Variants in BANP observed in about 807,000 individuals in gnomAD.
BANP encodes protein BANP.
A neutral mutation model predicts 68.1 loss-of-function variants in BANP; 11 were observed. The ratio of observed to expected loss-of-function variants is 0.16; its 90% CI spans 0.10 to 0.27. The LOEUF is 0.27. Ranked by LOEUF, BANP falls within the 10% of genes least tolerant of loss-of-function variation. The pLI is 1.00. For synonymous variants in BANP, 329 were observed against 303.2 expected, an observed-to-expected ratio of 1.09 and a Z score of -0.88; for missense variants, 504 against 722.7, an observed-to-expected ratio of 0.70 and a Z score of 3.47.
chr16:87,961,485 T>C (rs530848677), intron 1 of BANP, among the ~76,000 whole-genome samples: 2 of 151,780 alleles, frequency 1.3e-5, no homozygotes, highest in Non-Finnish European at 2.9e-5. Context: ...TTTTGTCATA[T>C]GCATCGACCA....
intron 9 of BANP, among the ~76,000 whole-genome samples, chr16:88,034,169 G>A (rs1448080145): frequency 2.6e-5 from 4 of 152,300 alleles, no homozygotes; most frequent in Admixed American, 6.5e-5. Flanking sequence ...TAGAGGGGGC[G>A]TTACCCTTCC....
intron 2 of BANP, among the ~76,000 whole-genome samples, chr16:87,975,404 CTT>C (rs1248779347): frequency 6.6e-6 from 1 of 152,204 alleles, no homozygotes; most frequent in African/African-American, 2.4e-5. Context: ...CCCTGTGACA[CTT>C]TGTCTCGAGG....
At chr16:87,989,999 G>T (rs2065522934) in intron 4 of BANP, among the ~76,000 whole-genome samples, 1 of 152,244 alleles carries the variant, frequency 6.6e-6, no homozygotes, top group Non-Finnish European at 1.5e-5. Flanking sequence ...CAGGGCAGGT[G>T]ACAGGGCTCT....
intron 1 of BANP, among the ~76,000 whole-genome samples, chr16:87,953,544 C>T (rs754208708): frequency 3.9e-5 from 6 of 152,196 alleles, no homozygotes; most frequent in Non-Finnish European, 5.9e-5. Flanking sequence ...CTTTCTATTA[C>T]GATGGGGTGA....
At chr16:88,019,226 G>A (rs1450543295) in intron 7 of BANP, among the ~76,000 whole-genome samples, 1 of 152,204 alleles carries the variant, frequency 6.6e-6, no homozygotes, top group Non-Finnish European at 1.5e-5. Context: ...TTTGCTCCAG[G>A]TGGCGATTGC....
At chr16:88,039,029 G>C (rs1295410228) in intron 11 of BANP, among the ~76,000 whole-genome samples, 2 of 152,244 alleles carry the variant, frequency 1.3e-5, no homozygotes, top group African/African-American at 4.8e-5. Flanking sequence ...CACTCCCAGA[G>C]CGAGGTGCTT....
chr16:88,038,193 G>A (rs528439672), intron 11 of BANP, among the ~76,000 whole-genome samples, 182 bp downstream of exon 11: 3 of 152,182 alleles, frequency 2.0e-5, no homozygotes, highest in African/African-American at 7.2e-5. Context: ...TTGCGCTGCC[G>A]AGGGGTGGGG....
At chr16:87,995,793 C>G (rs1282693791) in intron 4 of BANP, among the ~76,000 whole-genome samples, 1 of 152,240 alleles carries the variant, frequency 6.6e-6, no homozygotes, top group Non-Finnish European at 1.5e-5. Flanking sequence ...CCACAGGTAA[C>G]AAGCTCTGGG....
chr16:87,960,384 G>A (rs1041966053), intron 1 of BANP, among the ~76,000 whole-genome samples: 2 of 152,214 alleles, frequency 1.3e-5, no homozygotes, highest in South Asian at 2.1e-4. Flanking sequence ...GGTTTGGAAC[G>A]TGCTTAAAGA....
In BANP at chr16:88,004,550, G is replaced by C. The variant is rs115501145; in HGVS notation, c.479+139G>C. ...CACAGGGTTGAGCCTGGCAGGCACC[G>C]CCCCAGCTCTCTGAGGTCGGGGAGG... On this transcript the variant is annotated intron_variant, in intron 5 of 13. Transcript: ENST00000682872. This position sits in a 1 kb window ranked among gnomAD's most constrained non-coding sequence, Gnocchi z 7.0. 4 of 590,708 alleles carry C rather than the reference G, an allele frequency of 6.8e-6. No homozygotes were observed. The highest frequency in any genetic ancestry group is 8.8e-6 in the Non-Finnish European group (3 of 340,304). 36.6% of individuals were successfully genotyped at this position (590,708 alleles called of 1,614,324 possible).
Position 88,076,635 on chromosome 16 carries a change from G to A in BANP, c.1567G>A (p.Glu523Lys). The change falls in exon 14 of 14, where the codon GAG becomes AAG. Residue 523 changes from glutamate to lysine, a missense_variant. By Grantham distance (56) the Glu-to-Lys change is moderately conservative. Coordinates refer to ENST00000682872, the MANE Select transcript of BANP (RefSeq NM_001386991.1). ...QPTLQPEMQLEHGAIQIQ is the reference protein window; with the variant it reads ...QPTLQPEMQLKHGAIQIQ Reference sequence around the variant, plus strand: ...CACGCTACAGCCGGAGATGCAGCTCGAGCACGGGGCCATCCAGATTCAGTG... The same window carrying A: ...CACGCTACAGCCGGAGATGCAGCTCAAGCACGGGGCCATCCAGATTCAGTG... The A allele has an allele frequency of 6.2e-7, 1 of 1,610,724 alleles. No homozygotes were observed. The highest frequency in any genetic ancestry group is 8.5e-7 in the Non-Finnish European group (1 of 1,179,688).
intron 4 of BANP, among the ~76,000 whole-genome samples, chr16:87,985,120 G>T (rs2064080065): frequency 6.6e-6 from 1 of 152,222 alleles, no homozygotes; most frequent in East Asian, 1.9e-4. Flanking sequence ...GCCCGTGTGT[G>T]CTGGTGGCTG....
At chr16:88,038,170 G>T (rs2079857635) in intron 11 of BANP, among the ~76,000 whole-genome samples, 159 bp downstream of exon 11, 1 of 151,840 alleles carries the variant, frequency 6.6e-6, no homozygotes, top group Admixed American at 6.6e-5. Flanking sequence ...GGGTGGGACG[G>T]TCATTGTGGG....
Position 88,064,587 on chromosome 16 carries a change from C to T in BANP, c.1312-680C>T, listed in dbSNP as rs1247917724. On this transcript the variant is annotated intron_variant, in intron 11 of 13. Coordinates refer to ENST00000682872, the MANE Select transcript of BANP (RefSeq NM_001386991.1). This position sits in a 1 kb window ranked among gnomAD's most constrained non-coding sequence, Gnocchi z 4.5. ...GAGGAGAGGGCATCGCCAGGCTGGG[C>T]GCCTGTGTGGCACCACGTGGCACTC... 2.0e-5 allele frequency among the ~76,000 whole-genome samples: 3 copies of T among 152,242 alleles called. No individual in the cohort carries two copies. Among genetic ancestry groups the T allele is most frequent in the Admixed American group, 6.5e-5 (1 of 15,292 alleles).
At chr16:88,037,770 A>G (rs1303749567) in intron 10 of BANP, 3 of 603,718 alleles carry the variant, frequency 5.0e-6, no homozygotes, top group African/African-American at 3.7e-5. Flanking sequence ...TTGTTTGTTC[A>G]TCTTTAAAAT....
At chr16:87,955,381 A>G (rs1291025460) in intron 1 of BANP, among the ~76,000 whole-genome samples, 1 of 152,204 alleles carries the variant, frequency 6.6e-6, no homozygotes, top group African/African-American at 2.4e-5. Flanking sequence ...ATTTTCAGAT[A>G]GTTTTTGACT....
intron 1 of BANP, among the ~76,000 whole-genome samples, chr16:87,964,285 GC>G (rs1352667330): frequency 1.3e-5 from 2 of 152,264 alleles, no homozygotes; most frequent in African/African-American, 4.8e-5. Context: ...CAGGCCCGGT[GC>G]CCTGCTGAGA....
At chr16:88,032,591 T>C (rs1191706498) in intron 8 of BANP, among the ~76,000 whole-genome samples, 1 of 152,256 alleles carries the variant, frequency 6.6e-6, no homozygotes, top group Non-Finnish European at 1.5e-5. Context: ...TAAAAAGTTT[T>C]TCTGCGCTCT....
intron 12 of BANP, among the ~76,000 whole-genome samples, chr16:88,068,947 C>G (rs1197838703): frequency 1.3e-5 from 2 of 151,234 alleles, no homozygotes; most frequent in South Asian, 4.1e-4. Flanking sequence ...CTTGCTCTCT[C>G]TTTCCTGCCC....
Sources: gnomAD v4.1 joint callset for allele counts (sites outside exome capture counted in the v4.1 genomes callset) on GRCh38, gnomAD v4.1.1 for gene constraint, Gnocchi (gnomAD v3.1) non-coding constraint, MANE v1.5 for transcripts, NCBI Gene and HGNC (gene_info 2026-07-23, HGNC 2026-07-21) for gene names.